Variants in NAPG observed in about 807,000 individuals in gnomAD.
The protein encoded by NAPG is gamma-soluble NSF attachment protein.
NAPG carries 25 observed loss-of-function variants against 48.4 expected under a neutral mutation model. That is an observed-to-expected ratio of 0.52 (90% CI 0.38 to 0.72). NAPG has a LOEUF of 0.72. Among genes scored for constraint, NAPG ranks in the 30% least tolerant of loss-of-function variants. The pLI is 0.00. For synonymous variants in NAPG, 139 were observed against 127.2 expected (o/e 1.09, Z -0.62); for missense variants, 359 against 372.5 (o/e 0.96, Z 0.30).
Position 10,546,485 on chromosome 18 carries a change from T to C in NAPG, c.585+81T>C. On this transcript the variant is annotated intron_variant, in intron 9 of 11. Coordinates refer to ENST00000322897, the MANE Select transcript of NAPG (RefSeq NM_003826.3). This position sits in a 1 kb window ranked among gnomAD's most constrained non-coding sequence, Gnocchi z 4.0. ...TATGAATAAGTACTTAAGAAAGGATTCTATGGGTATTTCTATGTTTTTGTA... is the reference window on the plus strand; with the variant it reads ...TATGAATAAGTACTTAAGAAAGGATCCTATGGGTATTTCTATGTTTTTGTA... The C allele has an allele frequency of 1.3e-6, 1 of 756,820 alleles. No individual in the cohort carries two copies. The allele number at this position is 756,820 out of a possible 1,614,324, so 46.9% of individuals were successfully genotyped here.
intron 5 of NAPG, among the ~76,000 whole-genome samples, chr18:10,535,389 A>G (rs373866949): frequency 2.5e-4 from 38 of 152,368 alleles, no homozygotes; most frequent in East Asian, 7.7e-4. Flanking sequence ...CTGTGAGTCT[A>G]TCATCGAGAG....
chr18:10,528,134 G>A (rs3790131), intron 1 of NAPG, among the ~76,000 whole-genome samples: 5,632 of 152,160 alleles, frequency 0.037, 256 homozygotes, highest in East Asian at 0.23. Context: ...TGCAGTGAGC[G>A]GAGATCGCGC....
rs58597079 is a variant in NAPG, at chr18:10,530,188, C to CTT, written c.57-554_57-553dup. ...CTTGTTTATGGGTGGCGAGTTTTCA[C>CTT]TTTTTTTTTTTTTTTTTTTTTTTTT... On this transcript the variant is annotated intron_variant, in intron 1 of 11. Transcript: ENST00000322897. Among the ~76,000 whole-genome samples, 40 of 67,316 alleles carry CTT rather than the reference C, an allele frequency of 5.9e-4. 1 individual carries two copies. Among genetic ancestry groups the CTT allele is most frequent in the African/African-American group, 1.7e-3 (30 of 18,094 alleles). The allele number at this position is 67,316 out of a possible 152,430, so 44.2% of individuals were successfully genotyped here.
intron 1 of NAPG, among the ~76,000 whole-genome samples, chr18:10,528,554 G>A (rs991849370): frequency 1.3e-5 from 2 of 152,214 alleles, no homozygotes; most frequent in Non-Finnish European, 2.9e-5. Context: ...TCGACTTCAG[G>A]GGAGAGGTGG....
chr18:10,532,945 A>T, intron 3 of NAPG, 150 bp downstream of exon 3: 1 of 667,942 alleles, frequency 1.5e-6, no homozygotes. Context: ...TTAAACTATG[A>T]AGGAGCGTTT....
intron 1 of NAPG, among the ~76,000 whole-genome samples, chr18:10,528,183 A>C (rs1169366980): frequency 6.6e-6 from 1 of 152,130 alleles, no homozygotes; most frequent in Non-Finnish European, 1.5e-5. Context: ...AAGACTCTGT[A>C]TCAAAAAAAT....
Position 10,526,148 on chromosome 18 carries a change from G to A in NAPG, c.46G>A (p.Ala16Thr), listed in dbSNP as rs1327755088. 6.3e-7 allele frequency: 1 copy of A among 1,593,918 alleles called. No individual in the cohort carries two copies. Among genetic ancestry groups the A allele is most frequent in the South Asian group, 1.1e-5 (1 of 90,822 alleles). Residue 16 changes from alanine (A) to threonine (T), a missense_variant, in exon 1 of 12, where the codon GCA (alanine) becomes ACA (threonine). By Grantham distance (58) the Ala-to-Thr change is moderately conservative (BLOSUM62 0). Coordinates refer to ENST00000322897, the MANE Select transcript of NAPG (RefSeq NM_003826.3). ...CGAGGGGCTGGAACACCTCGCCAAA[G>A]CAGAGAAATAGTGAGTGAGAACCTT... ...INEGLEHLAK[A>T]EKYLKTGFLK... is the part of the protein sequence containing the mutation.
At chr18:10,537,197 G>A (rs551814980) in intron 5 of NAPG, among the ~76,000 whole-genome samples, 1 of 152,210 alleles carries the variant, frequency 6.6e-6, no homozygotes, top group South Asian at 2.1e-4. Flanking sequence ...GGGCTCAAGT[G>A]ATACTTCTGC....
rs753143574 is a variant in NAPG, at chr18:10,526,199, G to T, written c.56+41G>T. 1.9e-6 allele frequency: 3 copies of T among 1,551,678 alleles called. No homozygotes were observed. The Admixed American group carries it at 5.0e-5, about 26-fold the overall frequency. Reference sequence around the variant, plus strand: ...CCGGGGGCCTGTGTGTAGACGCCGGGTCCGTCTCTCACTGGCGCGGCCTTA... The same window carrying T: ...CCGGGGGCCTGTGTGTAGACGCCGGTTCCGTCTCTCACTGGCGCGGCCTTA... On this transcript the variant is annotated intron_variant, in intron 1 of 11. Coordinates refer to ENST00000322897, the MANE Select transcript of NAPG (RefSeq NM_003826.3).
At chr18:10,526,239 CGGGAGGG>C in intron 1 of NAPG, 81 bp downstream of exon 1, 29 of 349,006 alleles carry the variant, frequency 8.3e-5, no homozygotes, top group East Asian at 2.0e-4. Flanking sequence ...CCGGGGGGGG[CGGGAGGG>C]AGGGCTCAGG....
Position 10,542,157 on chromosome 18 carries a change from A to C in NAPG, c.506+1758A>C, listed in dbSNP as rs1156805233. Among the ~76,000 whole-genome samples the C allele has an allele frequency of 6.6e-6, 1 of 152,028 alleles. No homozygotes were observed. ...AGTTGAGTGAGCAGCAGAAGTGAGAATGCTGCGTAGATGTGCTCAAAGGGC... is the reference window on the plus strand; with the variant it reads ...AGTTGAGTGAGCAGCAGAAGTGAGACTGCTGCGTAGATGTGCTCAAAGGGC... On this transcript the variant is annotated intron_variant, in intron 8 of 11. Transcript: ENST00000322897. The surrounding 1 kb of genome is among the most constrained non-coding windows in gnomAD (Gnocchi z 4.5).
Position 10,550,349 on chromosome 18 carries a change from GT to G in NAPG, c.*134del. 1 of 978,600 alleles carries G rather than the reference GT, an allele frequency of 1.0e-6. No homozygotes were observed. The highest frequency in any genetic ancestry group is 1.4e-6 in the Non-Finnish European group (1 of 700,870). The allele number at this position is 978,600 out of a possible 1,614,324, so 60.6% of individuals were successfully genotyped here. A position where few individuals can be genotyped will look rare whatever the true frequency, so the allele number is the denominator to read the frequency against. ...TGATTTTGGATCCTAATAAAGACTA[GT>G]TTTTAGTTACCATCTTCCCAAATCA... On this transcript the variant is annotated 3_prime_UTR_variant, in exon 12 of 12. Coordinates refer to ENST00000322897, the MANE Select transcript of NAPG (RefSeq NM_003826.3).
At position 10,528,505 on chromosome 18, in the gene NAPG, C is replaced by T. The variant is rs527818747; in HGVS notation, c.57-2265C>T. On this transcript the variant is annotated intron_variant, in intron 1 of 11. Transcript: ENST00000322897. Reference sequence around the variant, plus strand: ...GGGAATGGAAGAGGAGGAAAGGTGACTCTCCCATGAAGGTACTGCCAGACA... The same window carrying T: ...GGGAATGGAAGAGGAGGAAAGGTGATTCTCCCATGAAGGTACTGCCAGACA... Among the ~76,000 whole-genome samples the T allele has an allele frequency of 3.0e-4, 46 of 152,284 alleles. 1 individual carries two copies. The South Asian group carries it at 9.3e-3, about 31-fold the overall frequency.
chr18:10,548,488 T>C lies in NAPG; in HGVS notation c.665+110T>C. 1 of 848,746 alleles carries C rather than the reference T, an allele frequency of 1.2e-6. No individual in the cohort carries two copies. Among genetic ancestry groups the C allele is most frequent in the South Asian group, 1.7e-5 (1 of 58,558 alleles). The allele number at this position is 848,746 out of a possible 1,614,324, so 52.6% of individuals were successfully genotyped here. On this transcript the variant is annotated intron_variant, in intron 10 of 11. Coordinates refer to ENST00000322897, the MANE Select transcript of NAPG (RefSeq NM_003826.3). The surrounding 1 kb of genome is among the most constrained non-coding windows in gnomAD (Gnocchi z 4.4). ...TGGCCATGAAACTGTCATTTCTAAATCTTAGGAGTGCTCATCTACCATTTC... is the reference window on the plus strand; with the variant it reads ...TGGCCATGAAACTGTCATTTCTAAACCTTAGGAGTGCTCATCTACCATTTC...
Position 10,534,273 on chromosome 18 carries a change from T to G in NAPG, c.228-193T>G, listed in dbSNP as rs16974742. Among the ~76,000 whole-genome samples the G allele has an allele frequency of 0.045, 6,868 of 152,332 alleles. 453 individuals are homozygous for G. The highest frequency in any genetic ancestry group is 0.15 in the African/African-American group (6,132 of 41,552). ...ATCTCTTTAACTCAAATGTCTGATG[T>G]TCTAAGCCATTATTCCCCACAAAAA... On this transcript the variant is annotated intron_variant, in intron 4 of 11. Transcript: ENST00000322897. This position sits in a 1 kb window ranked among gnomAD's most constrained non-coding sequence, Gnocchi z 5.0.
At chr18:10,541,104 T>C (rs571974520) in intron 8 of NAPG, among the ~76,000 whole-genome samples, 1 of 152,352 alleles carries the variant, frequency 6.6e-6, no homozygotes, top group East Asian at 1.9e-4. Flanking sequence ...CTGATGAATC[T>C]ATCCTATCTG....
rs868770047 is a variant in NAPG at position 10,532,756 on chromosome 18, C to T, written c.170C>T (p.Ala57Val). 1.3e-6 allele frequency: 2 copies of T among 1,592,262 alleles called. No homozygotes were observed. The highest frequency in any genetic ancestry group is 1.1e-5 in the South Asian group (1 of 87,326). The change falls in exon 3 of 12, where the codon GCC becomes GTC. Residue 57 changes from alanine (A) to valine (V), a missense_variant. By Grantham distance (64) the Ala-to-Val change is moderately conservative. Transcript: ENST00000322897. ...NAKQFEQAKD[A>V]CLREAVAHEN... is the part of the protein sequence containing the mutation. ...AAACAGTTTGAGCAAGCAAAAGATG[C>T]CTGCCTGAGGGAAGCTGTTGCCCAT...
Position 10,530,825 on chromosome 18 carries a change from TATG to T in NAPG, c.113_115del (p.Tyr38_Gly39delinsTer). 6.3e-7 allele frequency: 1 copy of T among 1,586,032 alleles called. No individual in the cohort carries two copies. The highest frequency in any genetic ancestry group is 8.6e-7 in the Non-Finnish European group (1 of 1,167,456). Reference sequence around the variant, plus strand: ...AGATTATGACAGTGCCGCTTCTGAATATGGAAAAGCAGGTATTTTTGACTATAG... The same window carrying T: ...AGATTATGACAGTGCCGCTTCTGAATGAAAAGCAGGTATTTTTGACTATAG... On this transcript the variant is annotated stop_gained and inframe_deletion, in exon 2 of 12. Transcript: ENST00000322897. LOFTEE classifies it high-confidence loss of function.
chr18:10,538,075 C>T (rs550961210), intron 5 of NAPG, among the ~76,000 whole-genome samples: 1,577 of 128,172 alleles, frequency 0.012, 27 homozygotes, highest in African/African-American at 0.048. Context: ...AGCTTTTAAA[C>T]GGTGTTTTTT....
Sources: allele counts gnomAD v4.1 joint callset (sites outside exome capture counted in the v4.1 genomes callset), GRCh38; gene constraint gnomAD v4.1.1; non-coding constraint Gnocchi (gnomAD v3.1); transcripts MANE v1.5; gene names NCBI Gene and HGNC (gene_info 2026-07-23, HGNC 2026-07-21).